FARS2: variants seen among roughly 807,000 people sequenced by gnomAD.
FARS2 encodes phenylalanyl-tRNA synthetase 2, mitochondrial.
In FARS2, 40 loss-of-function variants were observed where a neutral mutation model predicts 46.4. That is an observed-to-expected ratio of 0.86 (90% CI 0.67 to 1.12). The LOEUF (loss-of-function observed/expected upper bound fraction) is 1.12. FARS2 is among the 50% of genes most tolerant of loss of function. The pLI is 0.00. For synonymous variants in FARS2, 234 were observed against 214.9 expected, an observed-to-expected ratio of 1.09 and a Z score of -0.78; for missense variants, 513 against 567.9, an observed-to-expected ratio of 0.90 and a Z score of 0.98.
chr6:5,623,057 G>A (rs573083791), intron 6 of FARS2, among the ~76,000 whole-genome samples: 181 of 152,232 alleles, frequency 1.2e-3, no homozygotes, highest in Non-Finnish European at 2.1e-3. Context: ...CACCTTAGAT[G>A]TGTGATGTTG....
chr6:5,391,823 C>A (rs1381795669), intron 2 of FARS2, among the ~76,000 whole-genome samples: 1 of 152,102 alleles, frequency 6.6e-6, no homozygotes, highest in African/African-American at 2.4e-5. Context: ...CTTTTGCAAT[C>A]TACTTTTATT....
At chr6:5,751,882 G>T (rs750408970) in intron 6 of FARS2, among the ~76,000 whole-genome samples, 17 of 152,144 alleles carry the variant, frequency 1.1e-4, no homozygotes, top group Non-Finnish European at 2.5e-4. Context: ...TCTTTTTAAG[G>T]CATAATGACA....
intron 6 of FARS2, among the ~76,000 whole-genome samples, chr6:5,754,216 A>G (rs1317670329): frequency 6.6e-6 from 1 of 152,204 alleles, no homozygotes; most frequent in African/African-American, 2.4e-5. Flanking sequence ...CCACAGTGGA[A>G]TCACCTAGTA....
At chr6:5,437,796 A>G (rs569981648) in intron 4 of FARS2, among the ~76,000 whole-genome samples, 3 of 152,114 alleles carry the variant, frequency 2.0e-5, no homozygotes, top group Non-Finnish European at 4.4e-5. Flanking sequence ...TAAAAAATTA[A>G]GAGGAAAGTA....
At chr6:5,634,242 C>T (rs1179338223) in intron 6 of FARS2, among the ~76,000 whole-genome samples, 1 of 152,208 alleles carries the variant, frequency 6.6e-6, no homozygotes, top group Non-Finnish European at 1.5e-5. Context: ...ATTTATAGGA[C>T]AGATAATTTA....
chr6:5,599,297 A>G (rs1383972774), intron 5 of FARS2, among the ~76,000 whole-genome samples: 1 of 152,220 alleles, frequency 6.6e-6, no homozygotes, highest in Non-Finnish European at 1.5e-5. Flanking sequence ...ACCATACGTG[A>G]GTTCACTTAA....
intron 6 of FARS2, among the ~76,000 whole-genome samples, chr6:5,722,113 G>A (rs1759948480): frequency 6.6e-6 from 1 of 152,130 alleles, no homozygotes; most frequent in Non-Finnish European, 1.5e-5. Flanking sequence ...AGTGTGAGAT[G>A]GTAAAAAATG....
intron 4 of FARS2, among the ~76,000 whole-genome samples, chr6:5,482,475 G>A (rs984605882): frequency 6.6e-6 from 1 of 152,294 alleles, no homozygotes; most frequent in East Asian, 1.9e-4. Context: ...CATAAACATG[G>A]AGAGAGACTT....
At chr6:5,581,435 G>T (rs144870399) in intron 5 of FARS2, among the ~76,000 whole-genome samples, 1 of 152,284 alleles carries the variant, frequency 6.6e-6, no homozygotes, top group African/African-American at 2.4e-5. Flanking sequence ...ATGTCTAGCC[G>T]GCTAGTGCTG....
chr6:5,644,510 G>A (rs1214921690), intron 6 of FARS2, among the ~76,000 whole-genome samples: 2 of 152,076 alleles, frequency 1.3e-5, no homozygotes, highest in African/African-American at 2.4e-5. Flanking sequence ...ACCGTGCCTG[G>A]CCTGTTGTTT....
chr6:5,717,908 C>CTATATATATATATATA (rs58922507), intron 6 of FARS2, among the ~76,000 whole-genome samples: 29 of 77,710 alleles, frequency 3.7e-4, no homozygotes, highest in African/African-American at 1.2e-3. Context: ...AAGGTATCAG[C>CTATATATATATATATA]TATATATATA....
intron 2 of FARS2, among the ~76,000 whole-genome samples, chr6:5,375,474 T>C (rs1217481428): frequency 2.0e-5 from 3 of 152,014 alleles, no homozygotes; most frequent in African/African-American, 7.2e-5. Context: ...ATCATGAAGA[T>C]GACAATTCAT....
chr6:5,480,264 T>C (rs890315396), intron 4 of FARS2, among the ~76,000 whole-genome samples: 1 of 152,038 alleles, frequency 6.6e-6, no homozygotes, highest in Non-Finnish European at 1.5e-5. Flanking sequence ...ATATGAAGCC[T>C]TCAAATTAGG....
chr6:5,743,540 A>G (rs1761470628), intron 6 of FARS2, among the ~76,000 whole-genome samples: 1 of 152,276 alleles, frequency 6.6e-6, no homozygotes, highest in Non-Finnish European at 1.5e-5. Flanking sequence ...ATGCTCTATA[A>G]TAACCTTATG....
intron 1 of FARS2, among the ~76,000 whole-genome samples, chr6:5,338,351 A>G (rs1271762122): frequency 6.6e-6 from 1 of 152,118 alleles, no homozygotes; most frequent in Non-Finnish European, 1.5e-5. Context: ...GAAAACATCT[A>G]TCTGTTTGCT....
intron 5 of FARS2, among the ~76,000 whole-genome samples, chr6:5,563,084 AG>A (rs372263443): frequency 6.9e-4 from 95 of 138,324 alleles, no homozygotes; most frequent in African/African-American, 2.3e-3. Context: ...ACAGAGACAG[AG>A]GGAGGGGGGC....
At chr6:5,590,330 G>A (rs528331999) in intron 5 of FARS2, among the ~76,000 whole-genome samples, 87 of 152,312 alleles carry the variant, frequency 5.7e-4, no homozygotes, top group Non-Finnish European at 2.5e-4. Context: ...GGAGACTGAT[G>A]CCCAGCACTA....
At chr6:5,611,222 C>G (rs1381326547) in intron 5 of FARS2, among the ~76,000 whole-genome samples, 1 of 152,124 alleles carries the variant, frequency 6.6e-6, no homozygotes, top group African/African-American at 2.4e-5. Context: ...GTGAGGATAC[C>G]AAGTGAACAG....
intron 6 of FARS2, among the ~76,000 whole-genome samples, chr6:5,672,266 G>A (rs992642655): frequency 1.2e-4 from 18 of 152,050 alleles, no homozygotes; most frequent in Non-Finnish European, 8.8e-5. Flanking sequence ...GTGGTGGCCC[G>A]CCCTAAGACT....
Sources: gnomAD v4.1 joint callset for allele counts (sites outside exome capture counted in the v4.1 genomes callset) on GRCh38, gnomAD v4.1.1 for gene constraint, MANE v1.5 for transcripts, NCBI Gene and HGNC (gene_info 2026-07-23, HGNC 2026-07-21) for gene names.